Variants in NBEA observed in about 807,000 individuals in gnomAD.
NBEA encodes the protein neurobeachin.
In NBEA, 44 loss-of-function variants were observed where a neutral mutation model predicts 343.4. That is an observed-to-expected ratio of 0.13 (90% CI 0.10 to 0.16). The LOEUF is 0.16. NBEA is among the 10% of genes least tolerant of loss of function. NBEA has a pLI of 1.00. For missense variants in NBEA, 2,555 were observed against 3,631.3 expected (o/e 0.70, Z 7.62); for synonymous variants, 1,175 against 1,238.7 (o/e 0.95, Z 1.08).
chr13:35,122,092 T>TA (rs964168224), intron 16 of NBEA, among the ~76,000 whole-genome samples: 7 of 152,222 alleles, frequency 4.6e-5, no homozygotes, highest in African/African-American at 1.7e-4. Context: ...AATATGGCCC[T>TA]ACTTTTATAT....
chr13:35,527,899 GTCAGGCTGCC>G (rs2078062318), intron 41 of NBEA, among the ~76,000 whole-genome samples: 1 of 152,210 alleles, frequency 6.6e-6, no homozygotes, highest in Non-Finnish European at 1.5e-5. Context: ...AGCTGTTCTA[GTCAGGCTGCC>G]TCTGCCATCA....
chr13:35,054,083 A>T (rs2063159277), intron 6 of NBEA, among the ~76,000 whole-genome samples: 1 of 152,088 alleles, frequency 6.6e-6, no homozygotes, highest in Admixed American at 6.6e-5. Flanking sequence ...AAGTATAATA[A>T]TACATCTAGT....
At chr13:35,306,760 A>G (rs2036919201) in intron 35 of NBEA, among the ~76,000 whole-genome samples, 1 of 152,076 alleles carries the variant, frequency 6.6e-6, no homozygotes, top group Admixed American at 6.6e-5. Context: ...AAATAATGCT[A>G]TAATATTCTG....
chr13:35,261,389 G>A (rs73489536), intron 34 of NBEA, among the ~76,000 whole-genome samples: 6,519 of 152,058 alleles, frequency 0.043, 293 homozygotes, highest in East Asian at 0.17. Context: ...GAGCATATCC[G>A]TAGTCCAGCT....
intron 49 of NBEA, among the ~76,000 whole-genome samples, chr13:35,635,261 A>C (rs1034137412): frequency 6.6e-6 from 1 of 152,120 alleles, no homozygotes; most frequent in East Asian, 1.9e-4. Context: ...ATGACAAGGA[A>C]TATCAACACC....
At chr13:35,083,342 C>T (rs2064531185) in intron 10 of NBEA, among the ~76,000 whole-genome samples, 1 of 151,766 alleles carries the variant, frequency 6.6e-6, no homozygotes, top group African/African-American at 2.4e-5. Flanking sequence ...AGTTTGAAGT[C>T]AGGTAGCGTG....
chr13:35,628,768 A>T (rs868209691), intron 49 of NBEA, among the ~76,000 whole-genome samples: 96 of 152,162 alleles, frequency 6.3e-4, no homozygotes, highest in African/African-American at 2.0e-3. Context: ...AAATACAAAA[A>T]TTAGCAGGGT....
intron 44 of NBEA, among the ~76,000 whole-genome samples, chr13:35,566,114 G>A (rs745998074): frequency 1.2e-4 from 18 of 152,154 alleles, no homozygotes; most frequent in Non-Finnish European, 2.1e-4. Flanking sequence ...TCTAATCCCA[G>A]CACTTTTGGA....
chr13:35,179,847 C>T, intron 28 of NBEA: 1 of 921,238 alleles, frequency 1.1e-6, no homozygotes, highest in Non-Finnish European at 1.3e-6. Context: ...TTTGTAATAA[C>T]TGCTTAGGCA....
intron 10 of NBEA, among the ~76,000 whole-genome samples, chr13:35,093,522 G>A (rs1566274648): frequency 1.3e-5 from 2 of 151,924 alleles, no homozygotes; most frequent in Non-Finnish European, 2.9e-5. Flanking sequence ...CTCTTAAATA[G>A]GTTGGGGCTT....
chr13:35,607,986 A>G (rs1023945928), intron 48 of NBEA, among the ~76,000 whole-genome samples: 3 of 152,170 alleles, frequency 2.0e-5, no homozygotes, highest in Admixed American at 6.5e-5. Context: ...ATCATAAAAT[A>G]TGGGGTTCTC....
intron 36 of NBEA, among the ~76,000 whole-genome samples, chr13:35,310,994 T>G (rs2152833570): frequency 6.6e-6 from 1 of 152,304 alleles, no homozygotes; most frequent in Admixed American, 6.5e-5. Flanking sequence ...TTATTTTATA[T>G]TTCTCATTTT....
intron 41 of NBEA, among the ~76,000 whole-genome samples, chr13:35,481,812 G>T (rs530865115): frequency 6.6e-6 from 1 of 151,728 alleles, no homozygotes; most frequent in Non-Finnish European, 1.5e-5. Context: ...ATGTATGTAT[G>T]ATTTTACATA....
chr13:35,379,872 T>G (rs1903610), intron 38 of NBEA, among the ~76,000 whole-genome samples: 146,333 of 152,178 alleles, frequency 0.96, 70,525 homozygotes, highest in Non-Finnish European at 1. Context: ...AATTACCATA[T>G]CTCTATAAAT....
chr13:35,514,137 T>C (rs989226312), intron 41 of NBEA, among the ~76,000 whole-genome samples: 4 of 151,732 alleles, frequency 2.6e-5, no homozygotes, highest in African/African-American at 7.3e-5. Flanking sequence ...GAAACTGACA[T>C]CAATTTTATA....
intron 1 of NBEA, among the ~76,000 whole-genome samples, chr13:34,947,072 C>G (rs1479777130): frequency 1.3e-5 from 2 of 151,618 alleles, no homozygotes; most frequent in African/African-American, 2.4e-5. Flanking sequence ...AAAATAATTT[C>G]CTGCATTTTA....
rs201399155 is a variant in NBEA at position 35,159,941 on chromosome 13, C to G, written c.3770C>G (p.Ala1257Gly). 6.3e-7 allele frequency: 1 copy of G among 1,593,770 alleles called. No individual in the cohort carries two copies. The highest frequency in any genetic ancestry group is 1.1e-5 in the South Asian group (1 of 87,842). Residue 1257 changes from alanine to glycine, a missense_variant, in exon 22 of 59, where the codon GCA (alanine) becomes GGA (glycine). By Grantham distance (60) the Ala-to-Gly change is moderately conservative. Transcript: ENST00000379939. ...SSSKIVPNID[A>G]GSIISDTERS... The stretch of plus-strand genomic sequence containing the variant: ...AGCAAAATTGTACCAAATATTGATG[C>G]AGGAAGTATAATTTCAGATACTGAA...
intron 41 of NBEA, among the ~76,000 whole-genome samples, chr13:35,531,070 T>C (rs2152998503): frequency 6.6e-6 from 1 of 152,318 alleles, no homozygotes; most frequent in African/African-American, 2.4e-5. Flanking sequence ...TCTTTGTCAA[T>C]GATAGGGCCC....
At chr13:35,152,896 G>A (rs1300775786) in intron 18 of NBEA, among the ~76,000 whole-genome samples, 1 of 152,000 alleles carries the variant, frequency 6.6e-6, no homozygotes, top group Non-Finnish European at 1.5e-5. Context: ...GGGTTACTAT[G>A]CATATCTCTT....
Sources: allele counts gnomAD v4.1 joint callset (sites outside exome capture counted in the v4.1 genomes callset), GRCh38; gene constraint gnomAD v4.1.1; transcripts MANE v1.5; gene names NCBI Gene and HGNC (gene_info 2026-07-23, HGNC 2026-07-21).